The following AK7 variants were observed in gnomAD, a reference collection of about 807,000 sequenced individuals.
AK7 encodes the protein ATP-AMP transphosphorylase 7.
In AK7, 78 loss-of-function variants were observed where a neutral mutation model predicts 96.6. The ratio of observed to expected loss-of-function variants is 0.81; its 90% CI spans 0.67 to 0.97. The LOEUF is 0.97. Among genes scored for constraint, AK7 ranks in the 50% least tolerant of loss-of-function variants. AK7 has a pLI of 0.00. For synonymous variants in AK7, 302 were observed against 317.2 expected (o/e 0.95, Z 0.51); for missense variants, 855 against 887.9 (o/e 0.96, Z 0.47).
Position 96,488,861 on chromosome 14 carries a change from G to A in AK7, c.*518G>A, listed in dbSNP as rs974671169. ...TTTTTTTTAAATGAAGCAATGGTTA[G>A]GGAAAGGTTGCTTTGAGTTCAGGGT... On this transcript the variant is annotated 3_prime_UTR_variant, in exon 18 of 18. Coordinates refer to ENST00000267584, the MANE Select transcript of AK7 (RefSeq NM_152327.5). 1 of 151,056 alleles carries A rather than the reference G, an allele frequency of 6.6e-6. No homozygotes were observed. The highest frequency in any genetic ancestry group is 1.5e-5 in the Non-Finnish European group (1 of 67,882). The allele number at this position is 151,056 out of a possible 1,614,324, so 9.4% of individuals were successfully genotyped here.
At chr14:96,482,835 C>A in intron 15 of AK7, 164 bp from the exon 16 acceptor site, 1 of 797,096 alleles carries the variant, frequency 1.3e-6, no homozygotes, top group Non-Finnish European at 1.9e-6. Flanking sequence ...TGATATTTGC[C>A]CGTGAGAGAA....
In AK7 at chr14:96,488,657, G is replaced by T. The variant is rs975679179; in HGVS notation, c.*314G>T. ...TGTTTATAGGTATTTATAGCATGAAGAAAATCAGACTATATATTGTAGACT... is the reference window on the plus strand; with the variant it reads ...TGTTTATAGGTATTTATAGCATGAATAAAATCAGACTATATATTGTAGACT... On this transcript the variant is annotated 3_prime_UTR_variant, in exon 18 of 18. Transcript: ENST00000267584. The T allele has an allele frequency of 4.2e-5, 9 of 216,386 alleles. No individual in the cohort carries two copies. The highest frequency in any genetic ancestry group is 7.4e-5 in the Non-Finnish European group (8 of 108,270). The allele number at this position is 216,386 out of a possible 1,614,324, so 13.4% of individuals were successfully genotyped here. A position where few individuals can be genotyped will look rare whatever the true frequency, so the allele number is the denominator to read the frequency against.
chr14:96,420,915 C>T lies in AK7; in HGVS notation c.592C>T (p.Leu198Phe). The T allele has an allele frequency of 6.2e-7, 1 of 1,609,636 alleles. No homozygotes were observed. Among genetic ancestry groups the T allele is most frequent in the Admixed American group, 1.7e-5 (1 of 59,950 alleles). The change falls in exon 5 of 18, where the codon CTC (leucine) becomes TTC (phenylalanine). Residue 198 changes from leucine (L) to phenylalanine (F), a missense_variant. Physicochemically the swap from Leu to Phe is conservative, Grantham distance 22. Coordinates refer to ENST00000267584, the MANE Select transcript of AK7 (RefSeq NM_152327.5). Reference protein sequence around the residue: ...LDHINAEKMVLKFGKKARKFA... With the variant: ...LDHINAEKMVFKFGKKARKFA... ...CCACATAAATGCTGAAAAAATGGTTCTCAAATTTGGAAAAAAGGTAAGTCT... is the reference window on the plus strand; with the variant it reads ...CCACATAAATGCTGAAAAAATGGTTTTCAAATTTGGAAAAAAGGTAAGTCT...
intron 5 of AK7, among the ~76,000 whole-genome samples, chr14:96,425,480 A>ATTTTTTTTTTTT (rs35861988): frequency 8.4e-6 from 1 of 119,142 alleles, no homozygotes; most frequent in Non-Finnish European, 1.7e-5. Context: ...AGTCACACTG[A>ATTTTTTTTTTTT]TTTTTTTTTT....
At chr14:96,424,247 G>T in intron 5 of AK7, 1 of 436,468 alleles carries the variant, frequency 2.3e-6, no homozygotes, top group Non-Finnish European at 4.1e-6. Flanking sequence ...GCAGCCGGGA[G>T]TGCCGCGGGA....
At chr14:96,419,265 A>G (rs1891530299) in intron 4 of AK7, among the ~76,000 whole-genome samples, 1 of 152,152 alleles carries the variant, frequency 6.6e-6, no homozygotes, top group South Asian at 2.1e-4. Flanking sequence ...CCTTTTTAAC[A>G]TGTTATTTAT....
chr14:96,405,741 T>C (rs1217851857), intron 3 of AK7, among the ~76,000 whole-genome samples: 1 of 152,194 alleles, frequency 6.6e-6, no homozygotes, highest in Non-Finnish European at 1.5e-5. Flanking sequence ...TTGATTCAAT[T>C]CAACAAATGT....
intron 1 of AK7, among the ~76,000 whole-genome samples, chr14:96,397,573 C>T (rs1300461994): frequency 1.3e-5 from 2 of 152,056 alleles, no homozygotes; most frequent in Admixed American, 1.3e-4. Context: ...TTAATTTTAC[C>T]CTTTGTTTTC....
intron 8 of AK7, among the ~76,000 whole-genome samples, chr14:96,447,750 A>G (rs1893326236): frequency 6.6e-6 from 1 of 152,096 alleles, no homozygotes; most frequent in Non-Finnish European, 1.5e-5. Context: ...TCGGCCTCTG[A>G]AAGTGCTAGG....
intron 4 of AK7, among the ~76,000 whole-genome samples, chr14:96,409,632 A>T (rs1045986379): frequency 6.6e-6 from 1 of 152,194 alleles, no homozygotes; most frequent in Non-Finnish European, 1.5e-5. Flanking sequence ...AGTATTCCCT[A>T]AACTTCCTAA....
At chr14:96,467,685 C>A (rs974190638) in intron 12 of AK7, among the ~76,000 whole-genome samples, 35 of 152,162 alleles carry the variant, frequency 2.3e-4, no homozygotes, top group Admixed American at 7.2e-4. Flanking sequence ...ACGGACATTA[C>A]CTGATTTAGA....
chr14:96,466,899 T>C (rs1894597081), intron 12 of AK7, among the ~76,000 whole-genome samples: 2 of 152,208 alleles, frequency 1.3e-5, no homozygotes, highest in Admixed American at 1.3e-4. Context: ...GTATTTTTTT[T>C]CTAATGCTGC....
intron 5 of AK7, among the ~76,000 whole-genome samples, chr14:96,432,369 G>T (rs969877403): frequency 2.6e-5 from 4 of 151,996 alleles, no homozygotes; most frequent in African/African-American, 4.8e-5. Flanking sequence ...TTTAATTGGG[G>T]CATTTAGCCC....
In AK7 at chr14:96,401,278, G is replaced by A. The variant is rs1890393995; in HGVS notation, c.294+3015G>A. 2.6e-5 allele frequency among the ~76,000 whole-genome samples: 4 copies of A among 152,180 alleles called. No homozygotes were observed. In the South Asian group the frequency reaches 8.3e-4, roughly 32 times the overall value. On this transcript the variant is annotated intron_variant, in intron 2 of 17. Transcript: ENST00000267584. ...AAGGCTCTCTGAAAGGGGCACCTAA[G>A]GAATTCTCAGTCTTATCTAGAGAGA...
At chr14:96,430,130 A>G (rs1018541724) in intron 5 of AK7, among the ~76,000 whole-genome samples, 3 of 151,614 alleles carry the variant, frequency 2.0e-5, no homozygotes, top group African/African-American at 7.3e-5. Context: ...ATTTTGAGAT[A>G]CGTTCCATCA....
In AK7 at chr14:96,410,417, C is replaced by T. The variant is rs958863544; in HGVS notation, c.498+1476C>T. Among the ~76,000 whole-genome samples, 5 of 152,318 alleles carry T rather than the reference C, an allele frequency of 3.3e-5. No individual in the cohort carries two copies. In the East Asian group the frequency reaches 7.7e-4, roughly 24 times the overall value. Reference sequence around the variant, plus strand: ...GCAAAATAATGAACAAGTTCAACAACGGACTTCAGGAACAGCTGGGCCCAG... The same window carrying T: ...GCAAAATAATGAACAAGTTCAACAATGGACTTCAGGAACAGCTGGGCCCAG... On this transcript the variant is annotated intron_variant, in intron 4 of 17. Coordinates refer to ENST00000267584, the MANE Select transcript of AK7 (RefSeq NM_152327.5).
chr14:96,437,662 G>T (rs182057750), intron 5 of AK7, among the ~76,000 whole-genome samples, 173 bp from the exon 6 acceptor site: 2 of 152,142 alleles, frequency 1.3e-5, no homozygotes, highest in Non-Finnish European at 2.9e-5. Flanking sequence ...TGAATAGTGC[G>T]GGGGTGTCGT....
intron 4 of AK7, among the ~76,000 whole-genome samples, chr14:96,417,752 C>T (rs1043269927): frequency 3.3e-5 from 5 of 152,142 alleles, no homozygotes; most frequent in South Asian, 2.1e-4. Context: ...CATAGTACCA[C>T]CTCAGCCATT....
chr14:96,469,880 C>CTAT, intron 12 of AK7, among the ~76,000 whole-genome samples: 2 of 152,080 alleles, frequency 1.3e-5, no homozygotes, highest in Admixed American at 1.3e-4. Flanking sequence ...TGCAATGGTG[C>CTAT]GATCTTGGCT....
Sources: allele counts gnomAD v4.1 joint callset (sites outside exome capture counted in the v4.1 genomes callset), GRCh38; gene constraint gnomAD v4.1.1; transcripts MANE v1.5; gene names NCBI Gene and HGNC (gene_info 2026-07-23, HGNC 2026-07-21).